VWA8: variants seen among roughly 807,000 people sequenced by gnomAD.
VWA8 encodes von Willebrand factor A domain-containing protein 8.
In VWA8, 221 loss-of-function variants were observed where a neutral mutation model predicts 241.5. The observed-to-expected ratio is 0.91, with a 90% CI of 0.82 to 1.02. The LOEUF is 1.02. Ranked by LOEUF, VWA8 falls within the 50% of genes least tolerant of loss-of-function variation. The pLI, the probability that VWA8 is intolerant of heterozygous loss-of-function variation, is 0.00. For synonymous variants in VWA8, 852 were observed against 827.1 expected, an observed-to-expected ratio of 1.03 and a Z score of -0.52; for missense variants, 2,322 against 2,328.7, an observed-to-expected ratio of 1.00 and a Z score of 0.06.
chr13:41,640,269 C>T (rs73465000), intron 37 of VWA8, among the ~76,000 whole-genome samples: 5,029 of 152,206 alleles, frequency 0.033, 281 homozygotes, highest in African/African-American at 0.11. Context: ...CCCACAGGAG[C>T]CAACTTCTGC....
intron 24 of VWA8, among the ~76,000 whole-genome samples, chr13:41,723,045 A>G (rs553334464): frequency 6.6e-6 from 1 of 152,300 alleles, no homozygotes; most frequent in South Asian, 2.1e-4. Context: ...ACACACCACA[A>G]AAGGGTGTAG....
chr13:41,663,546 T>A (rs551824139), intron 37 of VWA8, among the ~76,000 whole-genome samples: 5 of 152,238 alleles, frequency 3.3e-5, no homozygotes, highest in Non-Finnish European at 5.9e-5. Context: ...CTTTTACTAT[T>A]TACCTCCATA....
chr13:41,955,157 T>A (rs1446643277), intron 1 of VWA8, among the ~76,000 whole-genome samples: 4 of 152,204 alleles, frequency 2.6e-5, no homozygotes, highest in Admixed American at 1.3e-4. Context: ...TGCTTATAAG[T>A]CAAGCCATCT....
intron 16 of VWA8, among the ~76,000 whole-genome samples, chr13:41,811,850 A>G (rs1166213796): frequency 6.6e-6 from 1 of 152,204 alleles, no homozygotes; most frequent in Non-Finnish European, 1.5e-5. Flanking sequence ...TCCTTCCCCT[A>G]TGCTGTCAGA....
intron 19 of VWA8, among the ~76,000 whole-genome samples, chr13:41,778,771 T>C (rs1280824240): frequency 6.6e-6 from 1 of 150,744 alleles, no homozygotes; most frequent in Non-Finnish European, 1.5e-5. Context: ...TCCCTATTTG[T>C]AAAAAGGCAA....
At chr13:41,576,279 G>A (rs756925028) in intron 42 of VWA8, among the ~76,000 whole-genome samples, 5 of 152,198 alleles carry the variant, frequency 3.3e-5, no homozygotes, top group African/African-American at 7.2e-5. Flanking sequence ...TGCCTAGCAT[G>A]TTTATTGCAC....
At position 41,778,832 on chromosome 13, in the gene VWA8, C is replaced by CTCTTTTTTTT. The variant is rs1566453794; in HGVS notation, c.2278-777_2278-776insAAAAAAAAGA. The stretch of plus-strand genomic sequence containing the variant: ...CTGCAGATATTTTTCCAGTACGTCA[C>CTCTTTTTTTT]TTTTTTTTTTTTTTTTTTTTTTTTT... On this transcript the variant is annotated intron_variant, in intron 19 of 44. Transcript: ENST00000379310. Among the ~76,000 whole-genome samples, 2 of 82,648 alleles carry CTCTTTTTTTT rather than the reference C, an allele frequency of 2.4e-5. 1 individual carries two copies. The allele number at this position is 82,648 out of a possible 152,430, so 54.2% of individuals were successfully genotyped here.
chr13:41,682,208 T>C (rs952117545), intron 35 of VWA8, among the ~76,000 whole-genome samples: 2 of 151,998 alleles, frequency 1.3e-5, no homozygotes, highest in Admixed American at 1.3e-4. Context: ...AATCCAGAAA[T>C]AGACCCACTC....
chr13:41,783,702 T>A, intron 19 of VWA8, 93 bp downstream of exon 19: 1 of 809,378 alleles, frequency 1.2e-6, no homozygotes, highest in South Asian at 1.8e-5. Context: ...ATTTAGGAAA[T>A]CACAAAAATA....
At chr13:41,954,789 T>C (rs1425235930) in intron 1 of VWA8, among the ~76,000 whole-genome samples, 1 of 152,232 alleles carries the variant, frequency 6.6e-6, no homozygotes, top group Non-Finnish European at 1.5e-5. Context: ...TTTGTAATAT[T>C]TTTTCTTTTA....
chr13:41,959,217 A>C (rs1282495906), intron 1 of VWA8, among the ~76,000 whole-genome samples: 1 of 152,204 alleles, frequency 6.6e-6, no homozygotes, highest in Non-Finnish European at 1.5e-5. Flanking sequence ...TCCTCACAAC[A>C]ACCATAATAG....
At chr13:41,596,998 C>T (rs190396497) in intron 40 of VWA8, among the ~76,000 whole-genome samples, 145 of 151,974 alleles carry the variant, frequency 9.5e-4, no homozygotes, top group African/African-American at 3.4e-3. Context: ...CCTACAAACT[C>T]TATAATCAAG....
chr13:41,758,171 C>A (rs531489132), intron 21 of VWA8, among the ~76,000 whole-genome samples: 1 of 151,036 alleles, frequency 6.6e-6, no homozygotes, highest in South Asian at 2.1e-4. Context: ...AGATAACCTT[C>A]AGTTCCATTT....
intron 43 of VWA8, among the ~76,000 whole-genome samples, chr13:41,571,288 CCT>C (rs2044300073): frequency 6.6e-6 from 1 of 150,492 alleles, no homozygotes; most frequent in Admixed American, 6.6e-5. Flanking sequence ...CTCCCGTCTC[CCT>C]CTCCCGTCTC....
chr13:41,691,757 T>C (rs1198075866), intron 31 of VWA8, 117 bp downstream of exon 31: 3 of 860,416 alleles, frequency 3.5e-6, no homozygotes, highest in African/African-American at 1.7e-5. Context: ...TTACTTTATA[T>C]TAAAACATTC....
At chr13:41,610,616 A>G (rs1198814153) in intron 39 of VWA8, among the ~76,000 whole-genome samples, 1 of 152,212 alleles carries the variant, frequency 6.6e-6, no homozygotes, top group Non-Finnish European at 1.5e-5. Flanking sequence ...GTAATGTAAT[A>G]CCAGATGTTC....
chr13:41,703,683 C>T (rs974177408), intron 26 of VWA8, among the ~76,000 whole-genome samples: 1 of 152,062 alleles, frequency 6.6e-6, no homozygotes, highest in East Asian at 1.9e-4. Flanking sequence ...CATACATACT[C>T]CTTTGAATTG....
chr13:41,947,957 A>T (rs1877937809), intron 2 of VWA8, among the ~76,000 whole-genome samples: 1 of 140,234 alleles, frequency 7.1e-6, no homozygotes, highest in Non-Finnish European at 1.6e-5. Flanking sequence ...AAAAAAACAA[A>T]ACAAAACATT....
At chr13:41,845,226 C>T (rs1169955415) in intron 12 of VWA8, among the ~76,000 whole-genome samples, 1 of 151,962 alleles carries the variant, frequency 6.6e-6, no homozygotes, top group Non-Finnish European at 1.5e-5. Context: ...TAGAGAAATG[C>T]CAATCAAAAC....
Sources: allele counts gnomAD v4.1 joint callset (sites outside exome capture counted in the v4.1 genomes callset), GRCh38; gene constraint gnomAD v4.1.1; transcripts MANE v1.5; gene names NCBI Gene and HGNC (gene_info 2026-07-23, HGNC 2026-07-21).